FLNB: variants seen among roughly 807,000 people sequenced by gnomAD.
FLNB encodes filamin-B.
FLNB carries 111 observed loss-of-function variants against 250.6 expected under a neutral mutation model. The observed-to-expected ratio is 0.44, with a 90% confidence interval of 0.38 to 0.52. FLNB has a LOEUF of 0.52. Ranked by LOEUF, FLNB falls within the 20% of genes least tolerant of loss-of-function variation. The pLI, the probability that FLNB is intolerant of heterozygous loss-of-function variation, is 0.00. For synonymous variants in FLNB, 1,302 were observed against 1,372.1 expected (o/e 0.95, Z 1.13); for missense variants, 2,869 against 3,447.8 (o/e 0.83, Z 4.20).
Position 58,105,224 on chromosome 3 carries a change from G to C in FLNB, c.1747+8G>C. Reference sequence around the variant, plus strand: ...CTGAAGTGGGGTCTCTGGGTAAGTGGACACAGCTGACCAGCATCTTCTGGA... The same window carrying C: ...CTGAAGTGGGGTCTCTGGGTAAGTGCACACAGCTGACCAGCATCTTCTGGA... On this transcript the variant is annotated splice_region_variant and intron_variant, in intron 11 of 45. Transcript: ENST00000295956. The C allele has an allele frequency of 6.2e-7, 1 of 1,614,116 alleles. No individual in the cohort carries two copies. The highest frequency in any genetic ancestry group is 1.7e-5 in the Admixed American group (1 of 60,028).
chr3:58,029,151 T>TG (rs150224314), intron 1 of FLNB, among the ~76,000 whole-genome samples: 3,877 of 152,286 alleles, frequency 0.025, 152 homozygotes, highest in African/African-American at 0.088. Flanking sequence ...TAACCCTTTA[T>TG]GTAGTGGTAA....
chr3:58,112,440 G>T, intron 18 of FLNB, 122 bp downstream of exon 18: 1 of 986,262 alleles, frequency 1.0e-6, no homozygotes, highest in East Asian at 2.4e-5. Flanking sequence ...GCTCCCTGAT[G>T]GGAGGCAGCT....
chr3:58,008,683 T>A lies in FLNB; in HGVS notation c.119T>A (p.Leu40Gln). 2.5e-6 allele frequency: 4 copies of A among 1,614,144 alleles called. No homozygotes were observed. The highest frequency in any genetic ancestry group is 3.4e-6 in the Non-Finnish European group (4 of 1,180,030). Residue 40 changes from leucine (L) to glutamine (Q), a missense_variant, in exon 1 of 46, where the codon CTG (leucine) becomes CAG (glutamine). Around this residue, in one of 5 missense-constraint regions of FLNB, gnomAD observed 308 missense variants for 466.1 expected, o/e 0.66. Coordinates refer to ENST00000295956, the MANE Select transcript of FLNB (RefSeq NM_001457.4). Reference sequence around the variant, plus strand: ...TGCGTGAACAAACGCATCGGCAACCTGCAGACCGACCTGAGCGACGGGCTG... The same window carrying A: ...TGCGTGAACAAACGCATCGGCAACCAGCAGACCGACCTGAGCGACGGGCTG... ...LKCVNKRIGN[L>Q]QTDLSDGLRL... is the part of the protein sequence containing the mutation.
intron 1 of FLNB, among the ~76,000 whole-genome samples, chr3:58,019,788 A>G (rs565289267): frequency 4.6e-5 from 7 of 152,322 alleles, no homozygotes; most frequent in East Asian, 3.9e-4. Flanking sequence ...TACTTACCAT[A>G]TCTTTTCCCA....
At chr3:58,098,310 G>A (rs1283625374) in intron 7 of FLNB, among the ~76,000 whole-genome samples, 4 of 152,080 alleles carry the variant, frequency 2.6e-5, no homozygotes, top group Non-Finnish European at 5.9e-5. Context: ...CTCTCTGAGG[G>A]CCTGTCTCCT....
intron 29 of FLNB, 25 bp downstream of exon 29, chr3:58,138,554 C>G: frequency 1.2e-6 from 2 of 1,613,856 alleles, no homozygotes; most frequent in Non-Finnish European, 1.7e-6. Context: ...TTCTCCCGAG[C>G]ATGCTGTTAT....
At chr3:58,106,939 A>G (rs1218965736) in intron 12 of FLNB, 66 bp downstream of exon 12, 1 of 1,379,144 alleles carries the variant, frequency 7.3e-7, no homozygotes, top group Non-Finnish European at 1.0e-6. Context: ...CCATGCCCGA[A>G]GTTGCCTTAA....
chr3:58,068,172 A>C (rs1196333940), intron 1 of FLNB, among the ~76,000 whole-genome samples: 2 of 152,230 alleles, frequency 1.3e-5, no homozygotes, highest in Admixed American at 6.5e-5. Flanking sequence ...ACTGACTTCC[A>C]GGGGAGGCTG....
At chr3:58,076,912 A>G (rs2097202522) in intron 1 of FLNB, 134 bp from the exon 2 acceptor site, 1 of 1,077,526 alleles carries the variant, frequency 9.3e-7, no homozygotes, top group Non-Finnish European at 1.4e-6. Context: ...AAATTTCAGC[A>G]TTACATCATT....
chr3:58,039,952 C>A (rs970254000), intron 1 of FLNB, among the ~76,000 whole-genome samples: 2 of 152,142 alleles, frequency 1.3e-5, no homozygotes, highest in African/African-American at 4.8e-5. Flanking sequence ...GAAGACCACC[C>A]TGGCCAACAT....
chr3:58,020,983 A>G (rs2097113188), intron 1 of FLNB, among the ~76,000 whole-genome samples: 2 of 152,036 alleles, frequency 1.3e-5, no homozygotes. Context: ...CCGGGGCAGG[A>G]AAGGTTTCTT....
chr3:58,039,557 A>G (rs1027592060), intron 1 of FLNB, among the ~76,000 whole-genome samples: 3 of 152,160 alleles, frequency 2.0e-5, no homozygotes, highest in African/African-American at 4.8e-5. Flanking sequence ...ATTTCCTACT[A>G]GACTTGACTC....
At chr3:58,117,451 A>T (rs2097280399) in intron 18 of FLNB, among the ~76,000 whole-genome samples, 2 of 152,108 alleles carry the variant, frequency 1.3e-5, no homozygotes, top group East Asian at 1.9e-4. Context: ...AGGCCAGAAA[A>T]CTTTATGCGG....
chr3:58,078,297 A>G (rs2097204463), intron 2 of FLNB: 4 of 1,432,480 alleles, frequency 2.8e-6, no homozygotes, highest in Non-Finnish European at 3.6e-6. Flanking sequence ...GGCTTTTAAG[A>G]TAATTCTAGG....
chr3:58,017,558 C>G (rs1037375394), intron 1 of FLNB, among the ~76,000 whole-genome samples: 2 of 152,090 alleles, frequency 1.3e-5, no homozygotes, highest in Non-Finnish European at 2.9e-5. Context: ...TGGCCAGTGT[C>G]AGGATTTATT....
intron 32 of FLNB, among the ~76,000 whole-genome samples, chr3:58,144,440 T>C (rs755021286): frequency 1.1e-4 from 17 of 152,184 alleles, no homozygotes; most frequent in Admixed American, 3.3e-4. Flanking sequence ...AATACAGATA[T>C]ATAAGAGAGT....
At chr3:58,149,729 C>T (rs1461685602) in intron 36 of FLNB, 121 bp from the exon 37 acceptor site, 18 of 1,323,084 alleles carry the variant, frequency 1.4e-5, no homozygotes, top group Non-Finnish European at 1.9e-5. Flanking sequence ...GCCGCCATTG[C>T]TTTCTTTCTG....
intron 1 of FLNB, among the ~76,000 whole-genome samples, chr3:58,069,921 T>C (rs1393011834): frequency 6.6e-6 from 1 of 152,132 alleles, no homozygotes; most frequent in African/African-American, 2.4e-5. Flanking sequence ...TGTGGATGTC[T>C]GGCCCTAGGG....
rs1423232013 is a variant in FLNB, at chr3:58,145,916, C to T, written c.5426-5C>T. 4 of 1,614,154 alleles carry T rather than the reference C, an allele frequency of 2.5e-6. No homozygotes were observed. The highest frequency in any genetic ancestry group is 3.4e-6 in the Non-Finnish European group (4 of 1,180,022). On this transcript the variant is annotated splice_region_variant and splice_polypyrimidine_tract_variant and intron_variant, in intron 32 of 45. Transcript: ENST00000295956. Reference sequence around the variant, plus strand: ...CAATTTTGTTTGTGTCCTTCGTAAACCCAGAGAGCCCACTCCAGTTCTACG... The same window carrying T: ...CAATTTTGTTTGTGTCCTTCGTAAATCCAGAGAGCCCACTCCAGTTCTACG...
Sources: allele counts gnomAD v4.1 joint callset (sites outside exome capture counted in the v4.1 genomes callset), GRCh38; gene constraint gnomAD v4.1.1; regional missense constraint gnomAD v4.1.1; transcripts MANE v1.5; gene names NCBI Gene and HGNC (gene_info 2026-07-23, HGNC 2026-07-21).